The following KHDRBS3 variants were observed in gnomAD, a reference collection of about 807,000 sequenced individuals.
KHDRBS3 encodes the protein KH domain-containing, RNA-binding, signal transduction-associated protein 3.
KHDRBS3 carries 23 observed loss-of-function variants against 45.6 expected under a neutral mutation model. The ratio of observed to expected loss-of-function variants is 0.50; its 90% CI spans 0.36 to 0.72. KHDRBS3 has a LOEUF of 0.72. Ranked by LOEUF, KHDRBS3 falls within the 30% of genes least tolerant of loss-of-function variation. The probability of loss-of-function intolerance (pLI) is 0.00; values close to 1 mark genes in which losing one functional copy is unlikely to be tolerated. For synonymous variants in KHDRBS3, 162 were observed against 156.5 expected (o/e 1.04, Z -0.26); for missense variants, 352 against 424.8 (o/e 0.83, Z 1.51).
intron 1 of KHDRBS3, among the ~76,000 whole-genome samples, chr8:135,485,591 A>G (rs1822813338): frequency 6.6e-6 from 1 of 152,022 alleles, no homozygotes. Context: ...GTTCTTGCTT[A>G]TTGCAGGAAT....
intron 6 of KHDRBS3, among the ~76,000 whole-genome samples, chr8:135,589,421 CT>C (rs1828637555): frequency 6.6e-6 from 1 of 152,164 alleles, no homozygotes; most frequent in African/African-American, 2.4e-5. Flanking sequence ...TTCCTGAGAC[CT>C]TTCATCCTCC....
intron 1 of KHDRBS3, among the ~76,000 whole-genome samples, chr8:135,493,072 T>C (rs1823238088): frequency 6.6e-6 from 1 of 151,574 alleles, no homozygotes; most frequent in Non-Finnish European, 1.5e-5. Context: ...TATTTTTTGA[T>C]GTTACTGGAA....
At chr8:135,611,466 G>A (rs1020306387) in intron 7 of KHDRBS3, among the ~76,000 whole-genome samples, 6 of 151,848 alleles carry the variant, frequency 4.0e-5, no homozygotes, top group African/African-American at 1.5e-4. Flanking sequence ...TATATAGTGT[G>A]GGGTGAAGAA....
At chr8:135,621,129 A>C (rs1425649398) in intron 7 of KHDRBS3, among the ~76,000 whole-genome samples, 1 of 139,202 alleles carries the variant, frequency 7.2e-6, no homozygotes, top group African/African-American at 2.6e-5. Context: ...TGCAGCCTTA[A>C]AAAAAAGGGG....
Position 135,458,237 on chromosome 8 carries a change from G to A in KHDRBS3, c.88+283G>A, listed in dbSNP as rs954888092. On this transcript the variant is annotated intron_variant, in intron 1 of 8. Transcript: ENST00000355849. ...TCGGGCACACCCAGGGGAAACTTCT[G>A]GGTGGGGGACAGCGACCATCTGGGG... is the stretch of plus-strand genomic sequence containing the variant. The A allele has an allele frequency of 1.1e-5, 13 of 1,196,854 alleles. No individual in the cohort carries two copies. In the African/African-American group the frequency reaches 2.1e-4, roughly 19 times the overall value. The allele number at this position is 1,196,854 out of a possible 1,614,324, so 74.1% of individuals were successfully genotyped here.
intron 5 of KHDRBS3, among the ~76,000 whole-genome samples, chr8:135,560,221 GTAT>G (rs778063886): frequency 1.3e-5 from 2 of 151,866 alleles, no homozygotes; most frequent in Non-Finnish European, 2.9e-5. Context: ...ACTATATGTA[GTAT>G]TCATCATAAG....
intron 7 of KHDRBS3, among the ~76,000 whole-genome samples, chr8:135,629,915 T>A (rs575842880): frequency 1.3e-5 from 2 of 152,316 alleles, no homozygotes; most frequent in Admixed American, 6.5e-5. Context: ...ATATAGTAAC[T>A]TCTGGAAGAT....
At chr8:135,635,105 A>T (rs1321431099) in intron 7 of KHDRBS3, among the ~76,000 whole-genome samples, 2 of 152,128 alleles carry the variant, frequency 1.3e-5, no homozygotes, top group East Asian at 3.9e-4. Context: ...TAGAAATTAA[A>T]ACAAACATTT....
intron 1 of KHDRBS3, among the ~76,000 whole-genome samples, chr8:135,519,526 C>G (rs1394666750): frequency 6.6e-6 from 1 of 152,126 alleles, no homozygotes; most frequent in Non-Finnish European, 1.5e-5. Context: ...TGTTAGTGAC[C>G]AAAGTTTCAT....
At chr8:135,488,166 G>A (rs760229138) in intron 1 of KHDRBS3, among the ~76,000 whole-genome samples, 6 of 152,074 alleles carry the variant, frequency 3.9e-5, no homozygotes, top group Non-Finnish European at 7.4e-5. Flanking sequence ...GTAAAATTAC[G>A]TATTTTATAT....
At chr8:135,543,216 G>T (rs1826128850) in intron 3 of KHDRBS3, among the ~76,000 whole-genome samples, 2 of 151,962 alleles carry the variant, frequency 1.3e-5, no homozygotes, top group East Asian at 3.9e-4. Flanking sequence ...ATTTTAGAAT[G>T]TTATTAAAAT....
At chr8:135,616,851 A>G (rs1829937593) in intron 7 of KHDRBS3, among the ~76,000 whole-genome samples, 1 of 152,166 alleles carries the variant, frequency 6.6e-6, no homozygotes, top group African/African-American at 2.4e-5. Context: ...CATTCTTAAA[A>G]TGTATTTATT....
intron 7 of KHDRBS3, among the ~76,000 whole-genome samples, chr8:135,614,899 G>C (rs1271049114): frequency 6.6e-6 from 1 of 151,834 alleles, no homozygotes; most frequent in South Asian, 2.1e-4. Context: ...GCTCCACTCT[G>C]CATCTAGCAT....
chr8:135,536,386 G>A (rs1252368246), intron 2 of KHDRBS3, among the ~76,000 whole-genome samples: 1 of 151,988 alleles, frequency 6.6e-6, no homozygotes, highest in Non-Finnish European at 1.5e-5. Context: ...AAAATTAAAA[G>A]CAGAAATGTG....
chr8:135,536,992 AAAAAAGG>A (rs760368014), intron 2 of KHDRBS3, among the ~76,000 whole-genome samples: 41,715 of 81,160 alleles, frequency 0.51, 11,610 homozygotes, highest in East Asian at 0.71. Context: ...AAAAAAAAAA[AAAAAAGG>A]AGATGTTTAG....
intron 1 of KHDRBS3, among the ~76,000 whole-genome samples, chr8:135,488,306 T>C (rs997953226): frequency 3.9e-5 from 6 of 152,168 alleles, no homozygotes; most frequent in African/African-American, 1.4e-4. Context: ...GTCTTTGGGT[T>C]GTTATTGCCA....
At chr8:135,463,092 C>T (rs1821513735) in intron 1 of KHDRBS3, among the ~76,000 whole-genome samples, 1 of 152,146 alleles carries the variant, frequency 6.6e-6, no homozygotes, top group Admixed American at 6.5e-5. Flanking sequence ...ACCTGGTGCT[C>T]TTACGGTGTG....
chr8:135,475,453 A>C (rs558188166), intron 1 of KHDRBS3, among the ~76,000 whole-genome samples: 1 of 151,940 alleles, frequency 6.6e-6, no homozygotes, highest in Non-Finnish European at 1.5e-5. Flanking sequence ...CTGAGATTAC[A>C]AGAGCCCACC....
chr8:135,622,907 G>T (rs927412626), intron 7 of KHDRBS3, among the ~76,000 whole-genome samples: 1 of 152,114 alleles, frequency 6.6e-6, no homozygotes, highest in Non-Finnish European at 1.5e-5. Flanking sequence ...TATATTTTTT[G>T]AACTTCTAAG....
Sources: gnomAD v4.1 joint callset for allele counts (sites outside exome capture counted in the v4.1 genomes callset) on GRCh38, gnomAD v4.1.1 for gene constraint, MANE v1.5 for transcripts, NCBI Gene and HGNC (gene_info 2026-07-23, HGNC 2026-07-21) for gene names.